Variants in SMARCE1 observed in about 807,000 individuals in gnomAD.
SMARCE1 encodes the protein SWI/SNF-related matrix-associated actin-dependent regulator of chromatin subfamily E member 1.
SMARCE1 carries 13 observed loss-of-function variants against 54.9 expected under a neutral mutation model. That is an observed-to-expected ratio of 0.24 (90% CI 0.15 to 0.38). The LOEUF (loss-of-function observed/expected upper bound fraction) is 0.38. SMARCE1 is among the 10% of genes least tolerant of loss of function. The probability of loss-of-function intolerance (pLI) is 1.00; values close to 1 mark genes in which losing one functional copy is unlikely to be tolerated. For synonymous variants in SMARCE1, 151 were observed against 175.3 expected (o/e 0.86, Z 1.10); for missense variants, 295 against 523.8 (o/e 0.56, Z 4.26).
intron 2 of SMARCE1, 39 bp downstream of exon 2, chr17:40,645,757 T>C: frequency 9.0e-7 from 1 of 1,109,906 alleles, no homozygotes; most frequent in Non-Finnish European, 1.2e-6. Flanking sequence ...ATTAGTCTCT[T>C]ATTAACATAG....
chr17:40,633,920 T>C (rs187884160), intron 7 of SMARCE1: 1 of 152,380 alleles, frequency 6.6e-6, no homozygotes, highest in East Asian at 1.9e-4. Flanking sequence ...TTCTTTCATT[T>C]ATATGGCCCC....
At chr17:40,646,147 T>A (rs1311483526) in intron 1 of SMARCE1, among the ~76,000 whole-genome samples, 2 of 152,198 alleles carry the variant, frequency 1.3e-5, no homozygotes. Context: ...TGTAAACATT[T>A]CATCAGACTG....
intron 1 of SMARCE1, chr17:40,647,101 T>C (rs1027438828): frequency 6.6e-6 from 1 of 152,224 alleles, no homozygotes; most frequent in Admixed American, 6.5e-5. Context: ...GAATACAAAA[T>C]TTAAGAGTGG....
At chr17:40,629,937 A>G (rs1237700301) in intron 10 of SMARCE1, 1 of 353,724 alleles carries the variant, frequency 2.8e-6, no homozygotes, top group East Asian at 4.2e-5. Context: ...CCTGGTAAAG[A>G]TATCTATATT....
chr17:40,637,262 T>C (rs574371872), intron 5 of SMARCE1: 20 of 539,198 alleles, frequency 3.7e-5, no homozygotes, highest in Middle Eastern at 5.0e-4. Flanking sequence ...TTAATGGCTA[T>C]AGAACATTCT....
chr17:40,636,209 T>C, intron 6 of SMARCE1, 107 bp from the exon 7 acceptor site: 1 of 1,213,128 alleles, frequency 8.2e-7, no homozygotes, highest in African/African-American at 1.5e-5. Context: ...AACAGGGTGT[T>C]GGGATAATTA....
In SMARCE1 at chr17:40,627,248, C is replaced by T. The variant is rs2037045015; in HGVS notation, c.*1537G>A. On this transcript the variant is annotated 3_prime_UTR_variant, in exon 11 of 11. Coordinates refer to ENST00000348513, the MANE Select transcript of SMARCE1 (RefSeq NM_003079.5). ...GTTTCCACCCAGTATCAAGCTTCCT[C>T]CCCTCCTCTCTCAGGAGGCTGAACA... The T allele has an allele frequency of 6.6e-6, 1 of 152,222 alleles. No homozygotes were observed. Among genetic ancestry groups the T allele is most frequent in the African/African-American group, 2.4e-5 (1 of 41,450 alleles). 9.4% of individuals were successfully genotyped at this position (152,222 alleles called of 1,614,324 possible).
intron 3 of SMARCE1, chr17:40,643,840 T>C (rs1216791378): frequency 1.3e-5 from 2 of 152,244 alleles, no homozygotes; most frequent in South Asian, 2.1e-4. Context: ...ATTTCTAGTC[T>C]ATACAGTTAG....
At chr17:40,631,205 C>T (rs2037091946) in intron 9 of SMARCE1, 7 of 345,816 alleles carry the variant, frequency 2.0e-5, no homozygotes, top group South Asian at 7.4e-5. Context: ...ATAAGGCTTC[C>T]GTTTTACATT....
intron 7 of SMARCE1, 60 bp downstream of exon 7, chr17:40,635,871 A>T: frequency 8.1e-7 from 1 of 1,233,774 alleles, no homozygotes; most frequent in Non-Finnish European, 1.1e-6. Flanking sequence ...TACTTAAGAG[A>T]TTTCTCATAT....
At chr17:40,630,398 C>A in intron 10 of SMARCE1, 2 of 662,340 alleles carry the variant, frequency 3.0e-6, no homozygotes, top group Non-Finnish European at 5.4e-6. Context: ...AGTATGTAAA[C>A]AAACAAGTGT....
chr17:40,636,727 T>C (rs1194099187), intron 5 of SMARCE1: 2 of 482,644 alleles, frequency 4.1e-6, no homozygotes, highest in Admixed American at 3.5e-5. Flanking sequence ...TACTTTAAGA[T>C]AGATCTCAGA....
At chr17:40,634,994 A>G (rs2037131774) in intron 7 of SMARCE1, 1 of 152,108 alleles carries the variant, frequency 6.6e-6, no homozygotes, top group Non-Finnish European at 1.5e-5. Context: ...TTATGAGAAC[A>G]TTTGACAATA....
chr17:40,642,809 C>T lies in SMARCE1; in HGVS notation c.52-250G>A, dbSNP rs1296698307. The T allele has an allele frequency of 4.4e-6, 2 of 454,806 alleles. No individual in the cohort carries two copies. Among genetic ancestry groups the T allele is most frequent in the East Asian group, 3.8e-5 (1 of 26,154 alleles). The allele number at this position is 454,806 out of a possible 1,614,324, so 28.2% of individuals were successfully genotyped here. A position where few individuals can be genotyped will look rare whatever the true frequency, so the allele number is the denominator to read the frequency against. ...GCAGGGGCTGGGGGTGTTTGTGTGA[C>T]TGTGAATGTGTGTTTTGTTTTTTGA... is the stretch of plus-strand genomic sequence containing the variant. On this transcript the variant is annotated intron_variant, in intron 3 of 10. Coordinates refer to ENST00000348513, the MANE Select transcript of SMARCE1 (RefSeq NM_003079.5). The surrounding 1 kb of genome is among the most constrained non-coding windows in gnomAD (Gnocchi z 4.6).
chr17:40,634,878 T>C (rs1308904198), intron 7 of SMARCE1: 2 of 152,224 alleles, frequency 1.3e-5, no homozygotes, highest in African/African-American at 4.8e-5. Flanking sequence ...GTAATTAAAG[T>C]GTGAGGATGC....
chr17:40,629,882 G>C (rs2037072678), intron 10 of SMARCE1: 1 of 355,154 alleles, frequency 2.8e-6, no homozygotes, highest in African/African-American at 2.1e-5. Context: ...CTTAAAATAT[G>C]ACCATTTCAA....
chr17:40,632,412 T>A, intron 7 of SMARCE1, 45 bp from the exon 8 acceptor site: 1 of 1,540,606 alleles, frequency 6.5e-7, no homozygotes, highest in Non-Finnish European at 8.9e-7. Flanking sequence ...CCAGTAACCA[T>A]AAAAAGGAGT....
chr17:40,638,622 T>C (rs1000750973), intron 4 of SMARCE1, among the ~76,000 whole-genome samples: 13 of 152,122 alleles, frequency 8.5e-5, no homozygotes, highest in African/African-American at 2.9e-4. Flanking sequence ...CCTGTTAATA[T>C]ACATGACTGC....
chr17:40,643,001 T>C (rs1016869864), intron 3 of SMARCE1: 6 of 153,804 alleles, frequency 3.9e-5, no homozygotes, highest in African/African-American at 1.4e-4. Flanking sequence ...TTATTTGACA[T>C]GTGGATGCCA....
Sources: allele counts gnomAD v4.1 joint callset (sites outside exome capture counted in the v4.1 genomes callset), GRCh38; gene constraint gnomAD v4.1.1; non-coding constraint Gnocchi (gnomAD v3.1); transcripts MANE v1.5; gene names NCBI Gene and HGNC (gene_info 2026-07-23, HGNC 2026-07-21).